AZIN2: variants seen among roughly 807,000 people sequenced by gnomAD.
AZIN2 encodes antizyme inhibitor 2, also known as ODC antizyme inhibitor-2.
In AZIN2, 28 loss-of-function variants were observed where a neutral mutation model predicts 47.8. The ratio of observed to expected loss-of-function variants is 0.59; its 90% CI spans 0.43 to 0.80. The LOEUF is 0.80. AZIN2 is among the 30% of genes least tolerant of loss of function. The pLI is 0.00. For synonymous variants in AZIN2, 221 were observed against 239.4 expected (o/e 0.92, Z 0.71); for missense variants, 535 against 582.5 (o/e 0.92, Z 0.84).
Position 33,098,108 on chromosome 1 carries a change from G to A in AZIN2, c.958G>A (p.Asp320Asn). The A allele has an allele frequency of 1.2e-6, 2 of 1,614,096 alleles. No homozygotes were observed. The highest frequency in any genetic ancestry group is 1.7e-6 in the Non-Finnish European group (2 of 1,180,008). ...CTCCAAGACCATCGTGTACCACCTT[G>A]ATGAGGGCGTGTATGGGATCTTCAA... ...STSKTIVYHL[D>N]EGVYGIFNSV... The change falls in exon 10 of 12, where the codon GAT (aspartate) becomes AAT (asparagine). Residue 320 changes from aspartate to asparagine, a missense_variant. Asp to Asn is a conservative substitution (Grantham distance 23, BLOSUM62 1). Transcript: ENST00000294517.
the AZIN2 span, chr1:33,147,558 G>A: frequency 5.0e-6 from 8 of 1,614,086 alleles, no homozygotes; most frequent in South Asian, 5.5e-5. The surrounding 1 kb of genome is among the most constrained non-coding windows in gnomAD (Gnocchi z 8.1). Flanking sequence ...AGTAGTGGAC[G>A]CCACTACTGA....
the AZIN2 span, chr1:33,159,666 G>T: frequency 6.3e-7 from 1 of 1,590,590 alleles, no homozygotes; most frequent in South Asian, 1.1e-5. The surrounding 1 kb of genome is among the most constrained non-coding windows in gnomAD (Gnocchi z 4.2). Context: ...AGCCGGGGAG[G>T]GCCCCGGCGG....
At position 33,082,227 on chromosome 1, in the gene AZIN2, C is replaced by A. The variant is rs893289729; in HGVS notation, c.-23C>A. 1 of 1,602,774 alleles carries A rather than the reference C, an allele frequency of 6.2e-7. No homozygotes were observed. The highest frequency in any genetic ancestry group is 1.3e-5 in the African/African-American group (1 of 74,696). ...CGGCTGCAGCAGCGGCTCCATCCAG[C>A]CCGTCAGCTCCTCCTGCAAGGCATG... On this transcript the variant is annotated 5_prime_UTR_variant, in exon 4 of 12. Transcript: ENST00000294517.
chr1:33,114,296 T>C (rs754529818), intron 10 of AZIN2, among the ~76,000 whole-genome samples: 1 of 151,138 alleles, frequency 6.6e-6, no homozygotes, highest in Non-Finnish European at 1.5e-5. Flanking sequence ...TTTTTTTGTA[T>C]TTTTAGTAGA....
the AZIN2 span, among the ~76,000 whole-genome samples, chr1:33,150,016 G>A: frequency 6.6e-6 from 1 of 152,172 alleles, no homozygotes; most frequent in Non-Finnish European, 1.5e-5. Context: ...TGGCCACACC[G>A]GCTTAGCAGG....
rs1256886017 is a variant in AZIN2, at chr1:33,105,738, A to G, written c.1029+7559A>G. On this transcript the variant is annotated intron_variant, in intron 10 of 11. Coordinates refer to ENST00000294517, the MANE Select transcript of AZIN2 (RefSeq NM_052998.4). ...TTGGGTGGGGACACAAAGCCAAACC[A>G]TATCAGTGTGTAAAGATGCAATTCA... Among the ~76,000 whole-genome samples the G allele has an allele frequency of 2.0e-5, 3 of 152,228 alleles. No individual in the cohort carries two copies. In the East Asian group the frequency reaches 5.8e-4, roughly 29 times the overall value.
the AZIN2 span, among the ~76,000 whole-genome samples, chr1:33,131,626 AAAAT>A: frequency 8.6e-5 from 13 of 151,390 alleles, no homozygotes; most frequent in Non-Finnish European, 8.8e-5. Context: ...TAAAAGAAAT[AAAAT>A]AAATAATTAA....
chr1:33,082,813 T>C (rs1377757629), intron 4 of AZIN2: 1 of 162,700 alleles, frequency 6.1e-6, no homozygotes, highest in Non-Finnish European at 1.4e-5. Context: ...GCCTACAGGA[T>C]CAAGTCAGAG....
In AZIN2 at chr1:33,121,386, A is replaced by G. The variant is rs919075610; in HGVS notation, c.*1204A>G. On this transcript the variant is annotated 3_prime_UTR_variant, in exon 12 of 12. Coordinates refer to ENST00000294517, the MANE Select transcript of AZIN2 (RefSeq NM_052998.4). ...GAGACCAGCCTGGCCAACATGGCAA[A>G]ACCCCGTCTCTACTAAAAATACAAA... Among the ~76,000 whole-genome samples the G allele has an allele frequency of 6.6e-6, 1 of 152,128 alleles. No homozygotes were observed. Among genetic ancestry groups the G allele is most frequent in the Non-Finnish European group, 1.5e-5 (1 of 68,016 alleles).
chr1:33,154,135 CAT>C, the AZIN2 span, among the ~76,000 whole-genome samples: 24 of 151,880 alleles, frequency 1.6e-4, no homozygotes, highest in East Asian at 4.3e-3. Context: ...GAATACAAAA[CAT>C]GTAGATGAGG....
chr1:33,136,117 T>TCCTC, the AZIN2 span, among the ~76,000 whole-genome samples: 7 of 31,176 alleles, frequency 2.2e-4, no homozygotes, highest in Non-Finnish European at 8.8e-5. Context: ...GGCCAGCCCT[T>TCCTC]CCTTCCTTCC....
Position 33,120,409 on chromosome 1 carries a change from CT to C in AZIN2, c.*228del, listed in dbSNP as rs1482486344. 2 of 611,948 alleles carry C rather than the reference CT, an allele frequency of 3.3e-6. No individual in the cohort carries two copies. The highest frequency in any genetic ancestry group is 3.8e-5 in the African/African-American group (2 of 53,286). 37.9% of individuals were successfully genotyped at this position (611,948 alleles called of 1,614,324 possible). A position where few individuals can be genotyped will look rare whatever the true frequency, so the allele number is the denominator to read the frequency against. The stretch of plus-strand genomic sequence containing the variant: ...TGTTCCTTCCAGCTGTGTCTGCCTC[CT>C]CTGCAGTGCAAGGGGCCTGGTCAGC... On this transcript the variant is annotated 3_prime_UTR_variant, in exon 12 of 12. Coordinates refer to ENST00000294517, the MANE Select transcript of AZIN2 (RefSeq NM_052998.4).
At position 33,113,066 on chromosome 1, in the gene AZIN2, C is replaced by A. The variant is rs1036998007; in HGVS notation, c.1030-4836C>A. Among the ~76,000 whole-genome samples the A allele has an allele frequency of 2.6e-5, 4 of 152,054 alleles. No individual in the cohort carries two copies. The highest frequency in any genetic ancestry group is 5.9e-5 in the Non-Finnish European group (4 of 67,992). On this transcript the variant is annotated intron_variant, in intron 10 of 11. Coordinates refer to ENST00000294517, the MANE Select transcript of AZIN2 (RefSeq NM_052998.4). This position sits in a 1 kb window ranked among gnomAD's most constrained non-coding sequence, Gnocchi z 4.1. ...TCAGCTCACTGCAACCTCCACCTCC[C>A]AGGCTCAAGCGATTCTCTTGGGAGG...
chr1:33,158,295 G>C, the AZIN2 span: 1 of 1,614,088 alleles, frequency 6.2e-7, no homozygotes, highest in Non-Finnish European at 8.5e-7. Flanking sequence ...ATGGTGTACT[G>C]CAGGGGGCCT....
At chr1:33,157,253 C>T in the AZIN2 span, among the ~76,000 whole-genome samples, 1 of 152,148 alleles carries the variant, frequency 6.6e-6, no homozygotes, top group South Asian at 2.1e-4. Context: ...CCTCCAGCCA[C>T]GTTAACCTCC....
rs750955438 is a variant in AZIN2 at position 33,118,030 on chromosome 1, C to T, written c.1158C>T (p.Asn386=). ...TAGGGGACTGGCTGGTCTTTGACAACATGGGCGCCTACACTGTGGGCATGG... is the reference window on the plus strand; with the variant it reads ...TAGGGGACTGGCTGGTCTTTGACAATATGGGCGCCTACACTGTGGGCATGG... The part of the protein sequence containing the change: ...LHVGDWLVFD[N]MGAYTVGMGS... Residue 386 remains asparagine, a synonymous_variant, in exon 11 of 12, where the codon AAC becomes AAT. Transcript: ENST00000294517. The T allele has an allele frequency of 1.3e-6, 2 of 1,577,226 alleles. No individual in the cohort carries two copies. The highest frequency in any genetic ancestry group is 1.4e-5 in the African/African-American group (1 of 73,804).
At chr1:33,149,925 A>G in the AZIN2 span, among the ~76,000 whole-genome samples, 1 of 152,266 alleles carries the variant, frequency 6.6e-6, no homozygotes, top group East Asian at 1.9e-4. Context: ...CTTGTGGCAC[A>G]TTTCCGGAAA....
intron 11 of AZIN2, chr1:33,118,900 A>C (rs1644689092): frequency 6.6e-6 from 1 of 152,108 alleles, no homozygotes; most frequent in Non-Finnish European, 1.5e-5. Flanking sequence ...TCGTATGACT[A>C]TTTCACCCAC....
chr1:33,113,549 A>G lies in AZIN2; in HGVS notation c.1030-4353A>G, dbSNP rs1423179839. On this transcript the variant is annotated intron_variant, in intron 10 of 11. Transcript: ENST00000294517. The surrounding 1 kb of genome is among the most constrained non-coding windows in gnomAD (Gnocchi z 4.1). The stretch of plus-strand genomic sequence containing the variant: ...ATGCTTTTTTGTTTCTTTTTTTCTG[A>G]TAGCTATTGCTAGCATTTCTCATCA... Among the ~76,000 whole-genome samples the G allele has an allele frequency of 6.6e-6, 1 of 151,956 alleles. No homozygotes were observed. Among genetic ancestry groups the G allele is most frequent in the East Asian group, 1.9e-4 (1 of 5,178 alleles).
Sources: gnomAD v4.1 joint callset for allele counts (sites outside exome capture counted in the v4.1 genomes callset) on GRCh38, gnomAD v4.1.1 for gene constraint, Gnocchi (gnomAD v3.1) non-coding constraint, MANE v1.5 for transcripts, NCBI Gene and HGNC (gene_info 2026-07-23, HGNC 2026-07-21) for gene names.